Variants in B4GALT1 observed in about 807,000 individuals in gnomAD.
B4GALT1 encodes beta-1,4-galactosyltransferase 1.
B4GALT1 carries 16 observed loss-of-function variants against 34.9 expected under a neutral mutation model. The ratio of observed to expected loss-of-function variants is 0.46; its 90% confidence interval spans 0.31 to 0.70. The LOEUF is 0.70. Among genes scored for constraint, B4GALT1 ranks in the 30% least tolerant of loss-of-function variants. The pLI is 0.05. For synonymous variants in B4GALT1, 221 were observed against 218.1 expected, an observed-to-expected ratio of 1.01 and a Z score of -0.12; for missense variants, 445 against 530.5, an observed-to-expected ratio of 0.84 and a Z score of 1.58.
chr9:33,167,179 G>T lies in B4GALT1; in HGVS notation c.-10C>A. 6.3e-7 allele frequency: 1 copy of T among 1,593,052 alleles called. No individual in the cohort carries two copies. The highest frequency in any genetic ancestry group is 8.5e-7 in the Non-Finnish European group (1 of 1,171,628). On this transcript the variant is annotated 5_prime_UTR_variant, in exon 1 of 6. Transcript: ENST00000379731. Reference sequence around the variant, plus strand: ...GCTCCCGAAGCCTCATCTTCCCGCCGCCGCTTTAAGAAGGGTGTGGGCTAC... The same window carrying T: ...GCTCCCGAAGCCTCATCTTCCCGCCTCCGCTTTAAGAAGGGTGTGGGCTAC...
At chr9:33,146,049 G>A (rs1360060356) in intron 1 of B4GALT1, among the ~76,000 whole-genome samples, 1 of 152,204 alleles carries the variant, frequency 6.6e-6, no homozygotes, top group Non-Finnish European at 1.5e-5. Context: ...CAGTGGGGAA[G>A]CCACAGAAAT....
chr9:33,129,498 T>C (rs1004671010), intron 2 of B4GALT1, among the ~76,000 whole-genome samples: 4 of 151,722 alleles, frequency 2.6e-5, no homozygotes, highest in Non-Finnish European at 1.5e-5. Flanking sequence ...AGACCAGGAG[T>C]AGGGAGTCCT....
In B4GALT1 at chr9:33,113,499, G is replaced by T; in HGVS notation, c.1152C>A (p.Tyr384Ter). The change falls in exon 6 of 6, where the codon TAC (tyrosine) becomes TAA (stop). Residue 384 changes from tyrosine (Y) to a stop codon, truncating the protein, a stop_gained. Transcript: ENST00000379731. LOFTEE classifies it high-confidence loss of function. ...LTYQVLDVQR[Y>*]PLYTQITVDI... is the part of the protein sequence containing the mutation. Reference sequence around the variant, plus strand: ...CCACTGTGATTTGGGTATACAATGGGTATCTCTGTACATCCAGCACCTGGT... The same window carrying T: ...CCACTGTGATTTGGGTATACAATGGTTATCTCTGTACATCCAGCACCTGGT... The T allele has an allele frequency of 1.2e-6, 2 of 1,614,188 alleles. No individual in the cohort carries two copies. The highest frequency in any genetic ancestry group is 1.7e-6 in the Non-Finnish European group (2 of 1,180,032).
chr9:33,140,495 T>TA lies in B4GALT1; in HGVS notation c.413-5072dup, dbSNP rs11290421. Among the ~76,000 whole-genome samples the TA allele has an allele frequency of 2.8e-4, 42 of 151,546 alleles. No homozygotes were observed. The East Asian group carries it at 4.8e-3, about 17-fold the overall frequency. On this transcript the variant is annotated intron_variant, in intron 1 of 5. Coordinates refer to ENST00000379731, the MANE Select transcript of B4GALT1 (RefSeq NM_001497.4). The stretch of plus-strand genomic sequence containing the variant: ...CTGGACTGATTTTTAAAATTTAATT[T>TA]AAAAAAAAAATCCTTCCTTGGCAGC...
At position 33,116,244 on chromosome 9, in the gene B4GALT1, T is replaced by A. The variant is rs540823193; in HGVS notation, c.837-131A>T. On this transcript the variant is annotated intron_variant, in intron 3 of 5. Coordinates refer to ENST00000379731, the MANE Select transcript of B4GALT1 (RefSeq NM_001497.4). ...GCTTCTCTAGAGTTTTTATTTATTT[T>A]TTTTTTGAGACGTAGTCTTGCTCTG... The A allele has an allele frequency of 5.7e-6, 7 of 1,223,722 alleles. No homozygotes were observed. In the African/African-American group the frequency reaches 6.1e-5, roughly 11 times the overall value. 75.8% of individuals were successfully genotyped at this position (1,223,722 alleles called of 1,614,324 possible).
chr9:33,113,417 T>G lies in B4GALT1; in HGVS notation c.*37A>C. 6.2e-7 allele frequency: 1 copy of G among 1,613,912 alleles called. No individual in the cohort carries two copies. Among genetic ancestry groups the G allele is most frequent in the Non-Finnish European group, 8.5e-7 (1 of 1,179,880 alleles). ...GGCAGAGACACACAGCAGAGGTCCC[T>G]GGCTAATTTCAGGTCTCTTATCCGT... On this transcript the variant is annotated 3_prime_UTR_variant, in exon 6 of 6. Coordinates refer to ENST00000379731, the MANE Select transcript of B4GALT1 (RefSeq NM_001497.4).
the B4GALT1 span, among the ~76,000 whole-genome samples, chr9:33,180,447 G>A: frequency 2.6e-4 from 39 of 152,140 alleles, no homozygotes; most frequent in Non-Finnish European, 5.3e-4. Flanking sequence ...AAAAGACAGG[G>A]CTGAAGGCAG....
chr9:33,144,814 C>T (rs1260143776), intron 1 of B4GALT1, among the ~76,000 whole-genome samples: 1 of 152,136 alleles, frequency 6.6e-6, no homozygotes, highest in Non-Finnish European at 1.5e-5. Flanking sequence ...ATCTTGACGG[C>T]AGGGATTGTG....
chr9:33,153,580 CTA>C (rs1429384034), intron 1 of B4GALT1, among the ~76,000 whole-genome samples: 1 of 152,118 alleles, frequency 6.6e-6, no homozygotes, highest in Non-Finnish European at 1.5e-5. Context: ...TAAGGAATCA[CTA>C]TGAAATGTAT....
chr9:33,107,733 G>A (rs1466977683), downstream of B4GALT1, among the ~76,000 whole-genome samples: 2 of 152,150 alleles, frequency 1.3e-5, no homozygotes, highest in Non-Finnish European at 2.9e-5. Context: ...GAGCCTAGGA[G>A]CCTGTCCTTG....
chr9:33,104,519 T>TTAGGGG (rs1376902704), exon 3 of B4GALT1: 1 of 334,150 alleles, frequency 3.0e-6, no homozygotes, highest in Non-Finnish European at 5.9e-6. Context: ...CCCAGACTCC[T>TTAGGGG]TAGGGGAGGA....
At chr9:33,131,692 G>A (rs758369968) in intron 2 of B4GALT1, among the ~76,000 whole-genome samples, 1 of 152,206 alleles carries the variant, frequency 6.6e-6, no homozygotes, top group Non-Finnish European at 1.5e-5. Flanking sequence ...AGGGCTAACA[G>A]CCCATAAGGT....
Position 33,166,912 on chromosome 9 carries a change from A to AGGC in B4GALT1, c.255_257dup (p.Pro87dup). 1 of 1,575,892 alleles carries AGGC rather than the reference A, an allele frequency of 6.3e-7. No homozygotes were observed. The stretch of plus-strand genomic sequence containing the variant: ...GCGGCTGGGAGGAGGCGCCTAGAGG[A>AGGC]GGCGGCGGCCGGGCCCCTCCGGTCC... On this transcript the variant is annotated inframe_insertion, in exon 1 of 6. Transcript: ENST00000379731.
chr9:33,145,746 A>C (rs2118217182), intron 1 of B4GALT1, among the ~76,000 whole-genome samples: 1 of 152,330 alleles, frequency 6.6e-6, no homozygotes, highest in South Asian at 2.1e-4. Context: ...ATGCATCCAC[A>C]CAGTGGATAG....
chr9:33,151,980 A>G (rs930480647), intron 1 of B4GALT1, among the ~76,000 whole-genome samples: 1 of 152,242 alleles, frequency 6.6e-6, no homozygotes, highest in Admixed American at 6.5e-5. Flanking sequence ...GTATGAAAGC[A>G]ACCTGAAGTC....
At chr9:33,153,105 A>G (rs1840546926) in intron 1 of B4GALT1, among the ~76,000 whole-genome samples, 1 of 152,206 alleles carries the variant, frequency 6.6e-6, no homozygotes, top group African/African-American at 2.4e-5. Flanking sequence ...TTCATCAGTA[A>G]TCAGAGAAAC....
chr9:33,161,996 G>C (rs1435910220), intron 1 of B4GALT1, among the ~76,000 whole-genome samples: 3 of 152,172 alleles, frequency 2.0e-5, no homozygotes, highest in Non-Finnish European at 2.9e-5. Flanking sequence ...GGTCCCTAGG[G>C]TGGAATCTGT....
intron 2 of B4GALT1, among the ~76,000 whole-genome samples, chr9:33,132,060 T>C (rs922285420): frequency 6.7e-6 from 1 of 150,194 alleles, no homozygotes; most frequent in African/African-American, 2.5e-5. Context: ...AAGATTCTCC[T>C]AAGGTGGAAA....
intron 3 of B4GALT1, among the ~76,000 whole-genome samples, chr9:33,117,016 T>A (rs1334116956): frequency 6.6e-6 from 1 of 152,232 alleles, no homozygotes; most frequent in Non-Finnish European, 1.5e-5. Flanking sequence ...AGAGCAGGCC[T>A]AGGCCCAGTT....
Sources: gnomAD v4.1 joint callset for allele counts (sites outside exome capture counted in the v4.1 genomes callset) on GRCh38, gnomAD v4.1.1 for gene constraint, MANE v1.5 for transcripts, NCBI Gene and HGNC (gene_info 2026-07-23, HGNC 2026-07-21) for gene names.